Variants in PLEKHA2 observed in about 807,000 individuals in gnomAD.
PLEKHA2 encodes the protein pleckstrin homology domain containing A2.
In PLEKHA2, 28 loss-of-function variants were observed where a neutral mutation model predicts 53.2. The ratio of observed to expected loss-of-function variants is 0.53; its 90% confidence interval spans 0.39 to 0.72. The LOEUF is 0.72. Among genes scored for constraint, PLEKHA2 ranks in the 30% least tolerant of loss-of-function variants. PLEKHA2 has a pLI of 0.00. For missense variants in PLEKHA2, 426 were observed against 537.9 expected, an observed-to-expected ratio of 0.79 and a Z score of 2.06; for synonymous variants, 193 against 196.4, an observed-to-expected ratio of 0.98 and a Z score of 0.14.
At chr8:38,913,949 G>A (rs1833992970) in intron 1 of PLEKHA2, among the ~76,000 whole-genome samples, 2 of 152,190 alleles carry the variant, frequency 1.3e-5, no homozygotes, top group South Asian at 4.1e-4. Flanking sequence ...TCTGTCCGCA[G>A]GTGCCATAAT....
chr8:38,920,581 T>G (rs1300423131), intron 2 of PLEKHA2, among the ~76,000 whole-genome samples: 1 of 150,666 alleles, frequency 6.6e-6, no homozygotes, highest in Non-Finnish European at 1.5e-5. Flanking sequence ...GGCCGTTTTT[T>G]TTTTTTTCAA....
chr8:38,903,993 A>G (rs1833832673), intron 1 of PLEKHA2, among the ~76,000 whole-genome samples: 1 of 152,166 alleles, frequency 6.6e-6, no homozygotes, highest in East Asian at 1.9e-4. Context: ...GGCTTTGGAA[A>G]GGAAGGAAGG....
Position 38,973,540 on chromosome 8 carries a change from A to G in PLEKHA2, c.*3757A>G, listed in dbSNP as rs7295. On this transcript the variant is annotated 3_prime_UTR_variant, in exon 12 of 12. Coordinates refer to ENST00000617275, the MANE Select transcript of PLEKHA2 (RefSeq NM_021623.2). ...AAGTGAGCTTTGTTTATAAACTTTC[A>G]AAATGTCGGAAGTGGACAGGTTTGT... The G allele has an allele frequency of 0.68, 102,129 of 150,718 alleles. 34,672 individuals are homozygous for G. Among genetic ancestry groups the G allele is most frequent in the East Asian group, 0.79 (4,036 of 5,126 alleles). 9.3% of individuals were successfully genotyped at this position (150,718 alleles called of 1,614,324 possible). A position where few individuals can be genotyped will look rare whatever the true frequency, so the allele number is the denominator to read the frequency against.
intron 11 of PLEKHA2, 117 bp from the exon 12 acceptor site, chr8:38,969,304 A>G (rs1009478604): frequency 1.6e-5 from 20 of 1,230,070 alleles, no homozygotes; most frequent in East Asian, 1.0e-4. Flanking sequence ...GTAGGCAAGC[A>G]TCCTTGGACT....
chr8:38,964,400 A>G (rs1201013051), intron 10 of PLEKHA2, among the ~76,000 whole-genome samples: 1 of 152,108 alleles, frequency 6.6e-6, no homozygotes, highest in African/African-American at 2.4e-5. Context: ...TTAAATTCTC[A>G]TAGGACTGCG....
rs372633340 is a variant in PLEKHA2 at position 38,957,304 on chromosome 8, T to C, written c.774-19T>C. 55 of 1,600,664 alleles carry C rather than the reference T, an allele frequency of 3.4e-5. No homozygotes were observed. The highest frequency in any genetic ancestry group is 4.5e-5 in the Non-Finnish European group (52 of 1,168,468). On this transcript the variant is annotated intron_variant, in intron 9 of 11. Coordinates refer to ENST00000617275, the MANE Select transcript of PLEKHA2 (RefSeq NM_021623.2). ...AGTATGTCAGCACGCCATAACATTC[T>C]TTCTCTTTCTCTGTCTAGTGATCTC...
chr8:38,961,281 C>G (rs1390270852), intron 10 of PLEKHA2, among the ~76,000 whole-genome samples: 1 of 152,120 alleles, frequency 6.6e-6, no homozygotes, highest in East Asian at 1.9e-4. Context: ...CTCACGCCTG[C>G]AATCCTGGGA....
chr8:38,942,159 T>A (rs2129420454), intron 3 of PLEKHA2, among the ~76,000 whole-genome samples: 1 of 152,202 alleles, frequency 6.6e-6, no homozygotes, highest in African/African-American at 2.4e-5. Flanking sequence ...CCCAGCACTT[T>A]GTGAGGCTGA....
At chr8:38,921,062 A>G (rs1834183758) in intron 2 of PLEKHA2, among the ~76,000 whole-genome samples, 1 of 152,086 alleles carries the variant, frequency 6.6e-6, no homozygotes, top group African/African-American at 2.4e-5. Flanking sequence ...CGGCCTCCCA[A>G]AGTGCTGGGA....
At chr8:38,911,575 G>A (rs1833955278) in intron 1 of PLEKHA2, among the ~76,000 whole-genome samples, 1 of 152,102 alleles carries the variant, frequency 6.6e-6, no homozygotes, top group Non-Finnish European at 1.5e-5. Context: ...AGGAGATGAG[G>A]GCTGGGTATT....
At chr8:38,956,517 T>C (rs1834943341) in intron 9 of PLEKHA2, among the ~76,000 whole-genome samples, 1 of 152,130 alleles carries the variant, frequency 6.6e-6, no homozygotes, top group Non-Finnish European at 1.5e-5. Context: ...AAGCATAGGC[T>C]CACTGGGTTC....
At chr8:38,916,383 C>T (rs1248043452) in intron 1 of PLEKHA2, among the ~76,000 whole-genome samples, 1 of 152,110 alleles carries the variant, frequency 6.6e-6, no homozygotes, top group African/African-American at 2.4e-5. Flanking sequence ...ATTTTTTGTA[C>T]CTATTAACCA....
chr8:38,929,444 T>A (rs559052692), intron 2 of PLEKHA2, among the ~76,000 whole-genome samples: 1 of 152,324 alleles, frequency 6.6e-6, no homozygotes, highest in African/African-American at 2.4e-5. Context: ...GATAATCAGC[T>A]CTTAGATAAT....
rs1375735723 is a variant in PLEKHA2, at chr8:38,973,545, G to A, written c.*3762G>A. On this transcript the variant is annotated 3_prime_UTR_variant, in exon 12 of 12. Coordinates refer to ENST00000617275, the MANE Select transcript of PLEKHA2 (RefSeq NM_021623.2). ...AGCTTTGTTTATAAACTTTCAAAAT[G>A]TCGGAAGTGGACAGGTTTGTTAAAT... 1 of 151,284 alleles carries A rather than the reference G, an allele frequency of 6.6e-6. No homozygotes were observed. The highest frequency in any genetic ancestry group is 2.4e-5 in the African/African-American group (1 of 41,058). The allele number at this position is 151,284 out of a possible 1,614,324, so 9.4% of individuals were successfully genotyped here. A position where few individuals can be genotyped will look rare whatever the true frequency, so the allele number is the denominator to read the frequency against.
intron 1 of PLEKHA2, among the ~76,000 whole-genome samples, chr8:38,909,305 T>C (rs1006710350): frequency 4.6e-5 from 7 of 152,172 alleles, no homozygotes; most frequent in African/African-American, 1.7e-4. Context: ...AATCACTGGG[T>C]CAAAGGGTAT....
chr8:38,931,135 G>A lies in PLEKHA2; in HGVS notation c.142-4859G>A, dbSNP rs142636362. On this transcript the variant is annotated intron_variant, in intron 2 of 11. Transcript: ENST00000617275. ...TCTACTAAAAATACAGAAATTAGCC[G>A]GGTGTGGTGGTGCATGTCTGTAATC... is the stretch of plus-strand genomic sequence containing the variant. Among the ~76,000 whole-genome samples, 985 of 152,148 alleles carry A rather than the reference G, an allele frequency of 6.5e-3. 12 individuals carry two copies. The highest frequency in any genetic ancestry group is 0.022 in the African/African-American group (927 of 41,502).
intron 11 of PLEKHA2, chr8:38,968,898 C>CTT (rs761821480): frequency 3.7e-3 from 933 of 249,916 alleles, no homozygotes; most frequent in South Asian, 7.2e-3. Flanking sequence ...AATGGAATTT[C>CTT]TTTTTTTTTT....
In PLEKHA2 at chr8:38,914,247, G is replaced by C. The variant is rs139788059; in HGVS notation, c.-23-3660G>C. The stretch of plus-strand genomic sequence containing the variant: ...TCTCCAGTCCCCCTGACCTCACCTG[G>C]ATCAAGGGATTCACCAGTCACTGGT... On this transcript the variant is annotated intron_variant, in intron 1 of 11. Coordinates refer to ENST00000617275, the MANE Select transcript of PLEKHA2 (RefSeq NM_021623.2). 1.6e-3 allele frequency among the ~76,000 whole-genome samples: 250 copies of C among 152,360 alleles called. 1 individual carries two copies. Among genetic ancestry groups the C allele is most frequent in the Non-Finnish European group, 2.7e-3 (182 of 68,034 alleles).
At chr8:38,946,592 C>CA (rs1704114925) in intron 5 of PLEKHA2, among the ~76,000 whole-genome samples, 1 of 152,178 alleles carries the variant, frequency 6.6e-6, no homozygotes, top group African/African-American at 2.4e-5. Context: ...GAAGTCAGAA[C>CA]TTTTTCCCAG....
Sources: gnomAD v4.1 joint callset for allele counts (sites outside exome capture counted in the v4.1 genomes callset) on GRCh38, gnomAD v4.1.1 for gene constraint, MANE v1.5 for transcripts, NCBI Gene and HGNC (gene_info 2026-07-23, HGNC 2026-07-21) for gene names.